The following CNTN3 variants were observed in gnomAD, a reference collection of about 807,000 sequenced individuals.
CNTN3 encodes contactin 3.
A neutral mutation model predicts 119.1 loss-of-function variants in CNTN3; 60 were observed. That is an observed-to-expected ratio of 0.50 (90% CI 0.41 to 0.62). CNTN3 has a LOEUF of 0.62. CNTN3 is among the 20% of genes least tolerant of loss of function. The pLI is 0.00. For synonymous variants in CNTN3, 450 were observed against 438.7 expected, an observed-to-expected ratio of 1.03 and a Z score of -0.32; for missense variants, 1,101 against 1,242.4, an observed-to-expected ratio of 0.89 and a Z score of 1.71.
At chr3:74,570,900 A>G (rs1429498925) in intron 1 of CNTN3, among the ~76,000 whole-genome samples, 1 of 152,214 alleles carries the variant, frequency 6.6e-6, no homozygotes, top group East Asian at 1.9e-4. Context: ...TGAACATGAA[A>G]TGTGTTTGGT....
rs535160826 is a variant in CNTN3 at position 74,404,329 on chromosome 3, T to C, written c.454+20516A>G. Among the ~76,000 whole-genome samples the C allele has an allele frequency of 5.6e-3, 855 of 152,252 alleles. 3 individuals are homozygous for C. The highest frequency in any genetic ancestry group is 9.8e-3 in the Non-Finnish European group (668 of 67,986). ...ATTCAGCAACTAATTACTTTTGCAA[T>C]GTGTCAGGGATGTCATACACATTGT... On this transcript the variant is annotated intron_variant, in intron 5 of 22. Transcript: ENST00000263665.
At position 74,361,972 on chromosome 3, in the gene CNTN3, T is replaced by C; in HGVS notation, c.1282A>G (p.Ser428Gly). The C allele has an allele frequency of 6.2e-7, 1 of 1,613,930 alleles. No individual in the cohort carries two copies. The highest frequency in any genetic ancestry group is 8.5e-7 in the Non-Finnish European group (1 of 1,179,864). Reference sequence around the variant, plus strand: ...GAGGCTCTGGGTTTACAATCCAAGCTGACCAGGCTGCCCACCTGCACCTGA... The same window carrying C: ...GAGGCTCTGGGTTTACAATCCAAGCCGACCAGGCTGCCCACCTGCACCTGA... Reference protein sequence around the residue: ...LVQVQVGSLVSLDCKPRASPR... With the variant: ...LVQVQVGSLVGLDCKPRASPR... Residue 428 changes from serine to glycine, a missense_variant, in exon 11 of 23, where the codon AGC (serine) becomes GGC (glycine). By Grantham distance (56) the Ser-to-Gly change is moderately conservative (BLOSUM62 0). Transcript: ENST00000263665.
In CNTN3 at chr3:74,362,715, TA is replaced by T. The variant is rs149184056; in HGVS notation, c.1214-676del. Reference sequence around the variant, plus strand: ...TCATTGGAATGAAAGGGTATGTTAATAAAAAAAAAATCACTCTTCCTTTTGC... The same window carrying T: ...TCATTGGAATGAAAGGGTATGTTAATAAAAAAAAATCACTCTTCCTTTTGC... On this transcript the variant is annotated intron_variant, in intron 10 of 22. Transcript: ENST00000263665. Among the ~76,000 whole-genome samples, 671 of 149,770 alleles carry T rather than the reference TA, an allele frequency of 4.5e-3. 3 individuals are homozygous for T. The highest frequency in any genetic ancestry group is 6.7e-3 in the Non-Finnish European group (449 of 67,202).
chr3:74,314,463 A>G (rs1702779035), intron 13 of CNTN3, among the ~76,000 whole-genome samples: 1 of 152,210 alleles, frequency 6.6e-6, no homozygotes, highest in African/African-American at 2.4e-5. Context: ...ATAGCGAAAT[A>G]TATACTATGA....
chr3:74,424,519 A>G (rs1463097211), intron 5 of CNTN3, among the ~76,000 whole-genome samples: 1 of 151,474 alleles, frequency 6.6e-6, no homozygotes, highest in Admixed American at 6.6e-5. Flanking sequence ...ACAAACAGCA[A>G]AGATCCAGTT....
chr3:74,491,630 A>G (rs2107058626), intron 3 of CNTN3, among the ~76,000 whole-genome samples: 1 of 152,346 alleles, frequency 6.6e-6, no homozygotes, highest in East Asian at 1.9e-4. Context: ...GGAAACTGTA[A>G]TCCAACTGTC....
chr3:74,305,415 A>G (rs1002069720), intron 13 of CNTN3, among the ~76,000 whole-genome samples: 11 of 152,188 alleles, frequency 7.2e-5, no homozygotes, highest in African/African-American at 2.7e-4. Flanking sequence ...TATATGCCCT[A>G]CAGAATGGCA....
chr3:74,340,987 G>A (rs1248159447), intron 11 of CNTN3, among the ~76,000 whole-genome samples: 1 of 152,140 alleles, frequency 6.6e-6, no homozygotes, highest in East Asian at 1.9e-4. Context: ...ATTAGGTTTA[G>A]TAACTTTAAT....
chr3:74,509,590 C>T (rs12639202), intron 2 of CNTN3, among the ~76,000 whole-genome samples: 27,454 of 152,124 alleles, frequency 0.18, 2,908 homozygotes, highest in East Asian at 0.42. Context: ...CCACTGTGCC[C>T]GGCTTCCTTT....
chr3:74,433,341 C>T (rs1047705818), intron 4 of CNTN3, among the ~76,000 whole-genome samples: 1 of 152,150 alleles, frequency 6.6e-6, no homozygotes, highest in Non-Finnish European at 1.5e-5. Flanking sequence ...AGGTGTGATA[C>T]AGGGCATCAA....
intron 2 of CNTN3, among the ~76,000 whole-genome samples, chr3:74,516,756 G>A (rs529365639): frequency 1.3e-5 from 2 of 151,028 alleles, no homozygotes; most frequent in East Asian, 1.9e-4. Context: ...AATTCCAGGC[G>A]CTGAGCTAGC....
At chr3:74,323,490 T>C (rs947564310) in intron 13 of CNTN3, among the ~76,000 whole-genome samples, 3 of 152,172 alleles carry the variant, frequency 2.0e-5, no homozygotes, top group Non-Finnish European at 4.4e-5. Context: ...AGCTTTCTTT[T>C]TGAGATAACA....
At chr3:74,272,897 AT>A (rs1176935419) in intron 20 of CNTN3, among the ~76,000 whole-genome samples, 1 of 152,276 alleles carries the variant, frequency 6.6e-6, no homozygotes, top group African/African-American at 2.4e-5. Context: ...GTTAGCATCT[AT>A]TTATGGCAAT....
chr3:74,420,326 A>C (rs963001170), intron 5 of CNTN3, among the ~76,000 whole-genome samples: 7 of 152,230 alleles, frequency 4.6e-5, no homozygotes, highest in African/African-American at 1.4e-4. Context: ...CTTGTAAATT[A>C]CATTGATTAA....
intron 5 of CNTN3, among the ~76,000 whole-genome samples, chr3:74,390,760 A>G (rs1649125442): frequency 6.6e-6 from 1 of 152,108 alleles, no homozygotes; most frequent in African/African-American, 2.4e-5. Context: ...CCCAACACAA[A>G]TTACACCATT....
chr3:74,396,665 G>A (rs1705064588), intron 5 of CNTN3, among the ~76,000 whole-genome samples: 1 of 146,054 alleles, frequency 6.8e-6, no homozygotes, highest in African/African-American at 2.5e-5. Context: ...AGAATGGCGA[G>A]AACCCGGGAG....
intron 4 of CNTN3, among the ~76,000 whole-genome samples, chr3:74,458,695 G>T (rs1463887870): frequency 6.6e-6 from 1 of 152,050 alleles, no homozygotes; most frequent in African/African-American, 2.4e-5. Flanking sequence ...AGGGATAGGA[G>T]AGGTTTCACT....
At chr3:74,448,155 C>T (rs1258521539) in intron 4 of CNTN3, among the ~76,000 whole-genome samples, 1 of 152,120 alleles carries the variant, frequency 6.6e-6, no homozygotes, top group Non-Finnish European at 1.5e-5. Flanking sequence ...GGTAGGGGAG[C>T]CCAGTGTCTA....
intron 1 of CNTN3, among the ~76,000 whole-genome samples, chr3:74,522,220 T>A (rs2107123514): frequency 6.6e-6 from 1 of 152,068 alleles, no homozygotes; most frequent in Middle Eastern, 3.4e-3. Flanking sequence ...AAGTCATCAT[T>A]CCTATAATAA....
Sources: allele counts gnomAD v4.1 joint callset (sites outside exome capture counted in the v4.1 genomes callset), GRCh38; gene constraint gnomAD v4.1.1; transcripts MANE v1.5; gene names NCBI Gene and HGNC (gene_info 2026-07-23, HGNC 2026-07-21).